The following ZNF232 variants were observed in gnomAD, a reference collection of about 807,000 sequenced individuals.
The protein encoded by ZNF232 is zinc finger and SCAN domain-containing protein 11.
ZNF232 carries 25 observed loss-of-function variants against 25.2 expected under a neutral mutation model. That is an observed-to-expected ratio of 0.99 (90% CI 0.72 to 1.39). The LOEUF is 1.39. ZNF232 is among the 40% of genes most tolerant of loss of function. The pLI, the probability that ZNF232 is intolerant of heterozygous loss-of-function variation, is 0.00. For missense variants in ZNF232, 519 were observed against 520.9 expected (o/e 1.00, Z 0.04); for synonymous variants, 193 against 182.9 (o/e 1.06, Z -0.45).
At chr17:5,119,946 CT>C (rs1442996078) in intron 1 of ZNF232, among the ~76,000 whole-genome samples, 1 of 152,094 alleles carries the variant, frequency 6.6e-6, no homozygotes, top group Non-Finnish European at 1.5e-5. Flanking sequence ...TCTCTGCCCC[CT>C]CTCCTGCCTC....
At chr17:5,121,339 TCTC>T (rs1396978390) in intron 1 of ZNF232, 1 of 339,280 alleles carries the variant, frequency 2.9e-6, no homozygotes, top group Non-Finnish European at 5.8e-6. Context: ...CTTCTGAAAA[TCTC>T]CTGAAACCCC....
At chr17:5,114,167 T>C (rs2072477437), upstream of ZNF232, 1 of 152,184 alleles carries the variant, frequency 6.6e-6, no homozygotes, top group African/African-American at 2.4e-5. Flanking sequence ...GGGTTATGAT[T>C]CTGTATGGTT....
At chr17:5,107,394 G>GAAAAAAAA (rs749338515) in intron 3 of ZNF232, among the ~76,000 whole-genome samples, 1 of 60,674 alleles carries the variant, frequency 1.6e-5, no homozygotes, top group African/African-American at 6.2e-5. Flanking sequence ...TCTCAAAAAG[G>GAAAAAAAA]AAAAAAAAAA....
At chr17:5,118,027 C>G (rs2072572862) in intron 1 of ZNF232, among the ~76,000 whole-genome samples, 1 of 151,168 alleles carries the variant, frequency 6.6e-6, no homozygotes. Context: ...CGAGATCATG[C>G]CACTGCACTC....
At chr17:5,114,023 AGTAC>A (rs1345625006), upstream of ZNF232, 1 of 152,242 alleles carries the variant, frequency 6.6e-6, no homozygotes, top group African/African-American at 2.4e-5. Flanking sequence ...CCTGAGACTA[AGTAC>A]TATACACTGA....
chr17:5,117,202 AC>A (rs2072556997), intron 1 of ZNF232, among the ~76,000 whole-genome samples: 2 of 152,122 alleles, frequency 1.3e-5, no homozygotes, highest in Admixed American at 1.3e-4. Context: ...GCTTTGTAGC[AC>A]CCGCTGCTTA....
chr17:5,111,582 GAA>G, intron 1 of ZNF232: 1 of 660,628 alleles, frequency 1.5e-6, no homozygotes, highest in Non-Finnish European at 2.5e-6. Flanking sequence ...AGGGTCTCGA[GAA>G]AAGAGAAGAG....
At chr17:5,121,032 C>T (rs1054345524) in intron 1 of ZNF232, among the ~76,000 whole-genome samples, 8 of 152,184 alleles carry the variant, frequency 5.3e-5, no homozygotes, top group African/African-American at 1.9e-4. Flanking sequence ...TGGGTTTCCA[C>T]CACAGCTGTT....
At chr17:5,109,614 G>A (rs764554198) in exon 2 of ZNF232, 2 of 1,614,218 alleles carry the variant, frequency 1.2e-6, no homozygotes, top group South Asian at 2.2e-5. Context: ...GGCCTCCCGG[G>A]GACCAGGAGT....
Position 5,106,407 on chromosome 17 carries a change from G to T in ZNF232, c.725C>A (p.Thr242Asn), listed in dbSNP as rs769489063. ...GGTAGCTTCAAATGTAGAGGTGTCAGTAGCAAGTTTTTCTGAGAACACCTG... is the reference window on the plus strand; with the variant it reads ...GGTAGCTTCAAATGTAGAGGTGTCATTAGCAAGTTTTTCTGAGAACACCTG... The change falls in exon 4 of 4, where the codon ACT (threonine) becomes AAT (asparagine). Residue 242 changes from threonine (T) to asparagine (N), a missense_variant. Coordinates refer to ENST00000575898, the Ensembl canonical transcript of ZNF232. 25 of 1,614,234 alleles carry T rather than the reference G, an allele frequency of 1.5e-5. No individual in the cohort carries two copies. The East Asian group carries it at 5.3e-4, about 35-fold the overall frequency.
chr17:5,115,280 G>A (rs913496136), upstream of ZNF232, among the ~76,000 whole-genome samples: 2 of 152,252 alleles, frequency 1.3e-5, no homozygotes, highest in African/African-American at 4.8e-5. Flanking sequence ...GGCCGGATGT[G>A]GTGGGTCGTG....
intron 1 of ZNF232, among the ~76,000 whole-genome samples, chr17:5,121,904 CTGAT>C (rs1467700556): frequency 6.6e-6 from 1 of 152,084 alleles, no homozygotes; most frequent in Non-Finnish European, 1.5e-5. Flanking sequence ...AGGCTGGAGT[CTGAT>C]TGAGGAGCCT....
chr17:5,112,123 G>A, upstream of ZNF232: 1 of 498,078 alleles, frequency 2.0e-6, no homozygotes, highest in African/African-American at 2.0e-5. Context: ...GCCCTTGTAA[G>A]CGGGTGACTT....
At chr17:5,118,604 A>C (rs1430346857) in intron 1 of ZNF232, among the ~76,000 whole-genome samples, 1 of 152,216 alleles carries the variant, frequency 6.6e-6, no homozygotes, top group Non-Finnish European at 1.5e-5. Flanking sequence ...GGTGAGGGCA[A>C]AGGGTGAGTG....
chr17:5,120,242 T>G (rs1436760157), intron 1 of ZNF232, among the ~76,000 whole-genome samples: 4 of 152,120 alleles, frequency 2.6e-5, no homozygotes, highest in Admixed American at 6.5e-5. Flanking sequence ...AGGGTTGCTC[T>G]CTGCATGCCT....
chr17:5,109,432 G>C, exon 2 of ZNF232: 2 of 1,613,910 alleles, frequency 1.2e-6, no homozygotes, highest in South Asian at 2.2e-5. Flanking sequence ...AAATCCTCCA[G>C]CACAGTCACA....
intron 1 of ZNF232, among the ~76,000 whole-genome samples, chr17:5,120,280 G>A (rs1254908472): frequency 1.3e-5 from 2 of 152,098 alleles, no homozygotes; most frequent in South Asian, 2.1e-4. Context: ...GTGGGGGCAA[G>A]GCAGTGGTGG....
chr17:5,122,607 C>T (rs888247264), intron 1 of ZNF232, among the ~76,000 whole-genome samples: 7 of 152,228 alleles, frequency 4.6e-5, no homozygotes, highest in African/African-American at 1.7e-4. Flanking sequence ...CCCGACCCTC[C>T]GCTGCGGGGC....
chr17:5,109,124 G>C lies in ZNF232; in HGVS notation c.499-72C>G. ...TAGTGTGGTTTCTGTCCCCTGCCTG[G>C]ACACTTGCAGATGTGACCCTCCTTG... On this transcript the variant is annotated intron_variant, in intron 2 of 3. Coordinates refer to ENST00000575898, the Ensembl canonical transcript of ZNF232. The C allele has an allele frequency of 5.0e-6, 8 of 1,601,172 alleles. No individual in the cohort carries two copies. In the South Asian group the frequency reaches 9.0e-5, roughly 18 times the overall value.
Sources: gnomAD v4.1 joint callset for allele counts (sites outside exome capture counted in the v4.1 genomes callset) on GRCh38, gnomAD v4.1.1 for gene constraint, MANE v1.5 for transcripts, NCBI Gene and HGNC (gene_info 2026-07-23, HGNC 2026-07-21) for gene names.